Variants in CDH13 observed in about 807,000 individuals in gnomAD.
CDH13 encodes cadherin 13.
Under a neutral mutation model 63.8 loss-of-function variants are expected in CDH13, and 24 were observed. The ratio of observed to expected loss-of-function variants is 0.38; its 90% confidence interval spans 0.27 to 0.53. CDH13 has a LOEUF of 0.53. Ranked by LOEUF, CDH13 falls within the 20% of genes least tolerant of loss-of-function variation. The probability of loss-of-function intolerance (pLI) is 0.85; values close to 1 mark genes in which losing one functional copy is unlikely to be tolerated. For missense variants in CDH13, 1,049 were observed against 903.1 expected, an observed-to-expected ratio of 1.16 and a Z score of -2.07; for synonymous variants, 503 against 355.3, an observed-to-expected ratio of 1.42 and a Z score of -4.67.
intron 5 of CDH13, among the ~76,000 whole-genome samples, chr16:83,237,782 G>A (rs964003003): frequency 7.2e-5 from 11 of 152,160 alleles, no homozygotes; most frequent in African/African-American, 2.7e-4. Context: ...ATGCTTCCTA[G>A]AGTCACTGTC....
chr16:82,828,768 G>C (rs1036457246), intron 1 of CDH13, among the ~76,000 whole-genome samples: 4 of 151,638 alleles, frequency 2.6e-5, no homozygotes, highest in African/African-American at 9.7e-5. Flanking sequence ...TATTTTCATA[G>C]CATTTACATT....
At chr16:83,516,078 T>C (rs776707331) in intron 7 of CDH13, among the ~76,000 whole-genome samples, 15 of 152,246 alleles carry the variant, frequency 9.9e-5, no homozygotes, top group Non-Finnish European at 1.8e-4. Flanking sequence ...AGTTTCCGTC[T>C]AAGAGCATGT....
At chr16:82,956,652 G>T (rs981311971) in intron 2 of CDH13, among the ~76,000 whole-genome samples, 1 of 152,150 alleles carries the variant, frequency 6.6e-6, no homozygotes, top group African/African-American at 2.4e-5. Flanking sequence ...TGCCATCTCT[G>T]GTTTTATCTT....
intron 3 of CDH13, among the ~76,000 whole-genome samples, chr16:83,069,377 A>C (rs1181985659): frequency 6.6e-6 from 1 of 152,148 alleles, no homozygotes; most frequent in Non-Finnish European, 1.5e-5. Flanking sequence ...TAATTTTTGC[A>C]ATACCGTTTT....
chr16:82,878,259 C>T (rs76349559), intron 2 of CDH13, among the ~76,000 whole-genome samples: 214 of 152,048 alleles, frequency 1.4e-3, no homozygotes, highest in African/African-American at 5.0e-3. Context: ...CCAAGGCTTA[C>T]AGTAAATTTT....
At chr16:83,534,100 G>T (rs1056160830) in intron 7 of CDH13, among the ~76,000 whole-genome samples, 1 of 152,028 alleles carries the variant, frequency 6.6e-6, no homozygotes, top group Non-Finnish European at 1.5e-5. Flanking sequence ...AATGAAAACC[G>T]CATACCTGTT....
At chr16:83,301,327 G>C (rs187054252) in intron 5 of CDH13, among the ~76,000 whole-genome samples, 1 of 152,046 alleles carries the variant, frequency 6.6e-6, no homozygotes, top group Non-Finnish European at 1.5e-5. Flanking sequence ...CACCGCACCT[G>C]GTCAGGGTTT....
chr16:83,051,868 C>A (rs1469106759), intron 3 of CDH13, among the ~76,000 whole-genome samples: 1 of 152,200 alleles, frequency 6.6e-6, no homozygotes, highest in African/African-American at 2.4e-5. Flanking sequence ...AGACACAGCC[C>A]TCTTTTCTGA....
At chr16:82,726,448 C>T (rs1454081881) in intron 1 of CDH13, among the ~76,000 whole-genome samples, 1 of 152,182 alleles carries the variant, frequency 6.6e-6, no homozygotes, top group Non-Finnish European at 1.5e-5. Flanking sequence ...TTTCTTTTGA[C>T]ATTTTTCTAC....
chr16:83,513,878 A>T (rs77045159), intron 7 of CDH13, among the ~76,000 whole-genome samples: 2 of 152,166 alleles, frequency 1.3e-5, no homozygotes, highest in African/African-American at 2.4e-5. Context: ...CTAGTCCCCA[A>T]GTAGCTGATA....
intron 2 of CDH13, among the ~76,000 whole-genome samples, 191 bp from the exon 3 acceptor site, chr16:83,031,819 T>C (rs1209949188): frequency 1.3e-5 from 2 of 152,192 alleles, no homozygotes; most frequent in Non-Finnish European, 2.9e-5. Flanking sequence ...CAAGGACATG[T>C]CTTGATTGAG....
chr16:83,068,303 A>G (rs904373932), intron 3 of CDH13, among the ~76,000 whole-genome samples: 2 of 152,080 alleles, frequency 1.3e-5, no homozygotes, highest in South Asian at 2.1e-4. Flanking sequence ...TTTCATCCCC[A>G]CTTTATTATC....
chr16:83,112,249 A>G (rs1167483450), intron 3 of CDH13, among the ~76,000 whole-genome samples: 1 of 152,244 alleles, frequency 6.6e-6, no homozygotes, highest in Admixed American at 6.5e-5. Flanking sequence ...TAATTACTCT[A>G]GCAAACCAGC....
chr16:83,465,728 G>A (rs2073298094), intron 6 of CDH13, among the ~76,000 whole-genome samples: 1 of 152,180 alleles, frequency 6.6e-6, no homozygotes, highest in Admixed American at 6.5e-5. Flanking sequence ...TTTCTGTGGG[G>A]TAGGATGAGA....
At chr16:83,214,098 C>T (rs184405088) in intron 4 of CDH13, among the ~76,000 whole-genome samples, 3 of 152,152 alleles carry the variant, frequency 2.0e-5, no homozygotes, top group African/African-American at 7.2e-5. Context: ...CTGCTCGGAT[C>T]CCCTTCCACA....
At chr16:83,635,272 T>A (rs1422977806) in intron 8 of CDH13, among the ~76,000 whole-genome samples, 1 of 152,000 alleles carries the variant, frequency 6.6e-6, no homozygotes, top group Admixed American at 6.6e-5. Flanking sequence ...TTTGCCTATT[T>A]TTTGTTTCGT....
At chr16:82,852,658 C>G (rs529426518) in intron 1 of CDH13, among the ~76,000 whole-genome samples, 3 of 152,270 alleles carry the variant, frequency 2.0e-5, no homozygotes, top group Non-Finnish European at 2.9e-5. Context: ...AAGGTATTTG[C>G]AAAATCTAAA....
intron 6 of CDH13, among the ~76,000 whole-genome samples, chr16:83,475,487 G>A (rs962926043): frequency 1.3e-5 from 2 of 152,210 alleles, no homozygotes; most frequent in African/African-American, 4.8e-5. Flanking sequence ...GAATTTGAGT[G>A]AGAAATTAAC....
At chr16:83,647,873 C>G (rs1413669450) in intron 8 of CDH13, among the ~76,000 whole-genome samples, 2 of 152,078 alleles carry the variant, frequency 1.3e-5, no homozygotes, top group Non-Finnish European at 2.9e-5. Flanking sequence ...AGCCACGATC[C>G]CCATTATGAT....
Sources: gnomAD v4.1 joint callset for allele counts (sites outside exome capture counted in the v4.1 genomes callset) on GRCh38, gnomAD v4.1.1 for gene constraint, MANE v1.5 for transcripts, NCBI Gene and HGNC (gene_info 2026-07-23, HGNC 2026-07-21) for gene names.